DOCK3: variants seen among roughly 807,000 people sequenced by gnomAD.
DOCK3 encodes the protein dedicator of cytokinesis 3, also known as dedicator of cytokinesis protein 3.
DOCK3 carries 60 observed loss-of-function variants against 265.6 expected under a neutral mutation model. The observed-to-expected ratio is 0.23, with a 90% CI of 0.18 to 0.28. DOCK3 has a LOEUF of 0.28. Ranked by LOEUF, DOCK3 falls within the 10% of genes least tolerant of loss-of-function variation. The pLI is 1.00. For missense variants in DOCK3, 1,981 were observed against 2,594.3 expected, an observed-to-expected ratio of 0.76 and a Z score of 5.14; for synonymous variants, 881 against 938.0, an observed-to-expected ratio of 0.94 and a Z score of 1.11.
chr3:50,718,283 C>A (rs2037251628), intron 1 of DOCK3, among the ~76,000 whole-genome samples: 1 of 152,204 alleles, frequency 6.6e-6, no homozygotes. Context: ...AATAAGAGAT[C>A]ATGAGCAAGA....
intron 27 of DOCK3, among the ~76,000 whole-genome samples, chr3:51,307,281 A>C (rs1257280457): frequency 6.6e-6 from 1 of 152,000 alleles, no homozygotes; most frequent in African/African-American, 2.4e-5. Context: ...ACATGCAGCT[A>C]ATTTTTTAAT....
At chr3:51,362,808 C>A in intron 49 of DOCK3, 134 bp downstream of exon 49, 1 of 1,329,342 alleles carries the variant, frequency 7.5e-7, no homozygotes, top group Non-Finnish European at 1.0e-6. Flanking sequence ...GCTTTTACCA[C>A]TAAGGACTCG....
At chr3:50,740,857 T>C (rs1260357542) in intron 1 of DOCK3, among the ~76,000 whole-genome samples, 2 of 152,228 alleles carry the variant, frequency 1.3e-5, no homozygotes, top group South Asian at 4.1e-4. Flanking sequence ...AGTGACCATT[T>C]TAACAATTTT....
At chr3:51,302,701 ACT>A (rs2082423801) in intron 27 of DOCK3, among the ~76,000 whole-genome samples, 1 of 151,530 alleles carries the variant, frequency 6.6e-6, no homozygotes, top group African/African-American at 2.4e-5. Flanking sequence ...CAGATATGAA[ACT>A]CTGGGCTGGA....
At chr3:51,254,493 T>C (rs559174616) in intron 22 of DOCK3, among the ~76,000 whole-genome samples, 2 of 152,326 alleles carry the variant, frequency 1.3e-5, no homozygotes, top group Non-Finnish European at 2.9e-5. Flanking sequence ...TGTTATTGTG[T>C]GGGAGTCTAA....
At chr3:51,085,201 T>C (rs1023675636) in intron 7 of DOCK3, among the ~76,000 whole-genome samples, 2 of 150,350 alleles carry the variant, frequency 1.3e-5, no homozygotes, top group South Asian at 4.2e-4. Flanking sequence ...AGCAAAAGAG[T>C]TCAACAGACC....
intron 11 of DOCK3, 42 bp from the exon 12 acceptor site, chr3:51,160,513 A>T (rs749131843): frequency 6.4e-7 from 1 of 1,569,732 alleles, no homozygotes; most frequent in Non-Finnish European, 8.6e-7. Context: ...GGAGAGGAGC[A>T]TGCTTTTCTC....
intron 5 of DOCK3, among the ~76,000 whole-genome samples, chr3:50,966,256 C>T (rs2077028488): frequency 6.6e-6 from 1 of 152,070 alleles, no homozygotes; most frequent in Non-Finnish European, 1.5e-5. Context: ...CACCCCTTGG[C>T]TATTGTGGAT....
At chr3:50,966,373 T>G (rs2077032130) in intron 5 of DOCK3, among the ~76,000 whole-genome samples, 1 of 152,172 alleles carries the variant, frequency 6.6e-6, no homozygotes, top group African/African-American at 2.4e-5. Context: ...TTAATTTTTT[T>G]GAGGAACCAC....
chr3:50,915,915 G>C (rs573950843), intron 4 of DOCK3, among the ~76,000 whole-genome samples: 2 of 151,760 alleles, frequency 1.3e-5, no homozygotes, highest in Non-Finnish European at 2.9e-5. Flanking sequence ...TATGGGGAGG[G>C]GTCTAACAGT....
At chr3:50,821,718 C>T (rs1559684495) in intron 2 of DOCK3, among the ~76,000 whole-genome samples, 1 of 152,214 alleles carries the variant, frequency 6.6e-6, no homozygotes, top group Non-Finnish European at 1.5e-5. Context: ...TATGGCTAGG[C>T]TAACCATTCC....
At position 50,879,158 on chromosome 3, in the gene DOCK3, T is replaced by A. The variant is rs567663725; in HGVS notation, c.163-10868T>A. Among the ~76,000 whole-genome samples the A allele has an allele frequency of 4.9e-4, 74 of 152,046 alleles. No homozygotes were observed. The South Asian group carries it at 8.1e-3, about 17-fold the overall frequency. ...AAACATGGAAAGGAACAAATGGTACTAGCCACTGCAAAAACATGCCAAATT... is the reference window on the plus strand; with the variant it reads ...AAACATGGAAAGGAACAAATGGTACAAGCCACTGCAAAAACATGCCAAATT... On this transcript the variant is annotated intron_variant, in intron 3 of 52. Transcript: ENST00000266037.
chr3:50,984,989 A>G (rs888812306), intron 5 of DOCK3, among the ~76,000 whole-genome samples: 2 of 152,174 alleles, frequency 1.3e-5, no homozygotes, highest in Non-Finnish European at 2.9e-5. Context: ...TTGGTATTCA[A>G]GGGGGTCCTA....
At chr3:51,149,997 A>G (rs1177946030) in intron 10 of DOCK3, among the ~76,000 whole-genome samples, 2 of 152,156 alleles carry the variant, frequency 1.3e-5, no homozygotes, top group Non-Finnish European at 2.9e-5. Context: ...GAGGCAATTA[A>G]TTATTGCCTC....
At position 50,931,556 on chromosome 3, in the gene DOCK3, T is replaced by A. The variant is rs918447838; in HGVS notation, c.219-2425T>A. Among the ~76,000 whole-genome samples the A allele has an allele frequency of 5.3e-5, 8 of 152,370 alleles. No individual in the cohort carries two copies. In the South Asian group the frequency reaches 1.5e-3, roughly 28 times the overall value. ...AGGATGTCTTCTCATTCAATTTGAATTTGTGTAGCAAGTCATTATGACTTT... is the reference window on the plus strand; with the variant it reads ...AGGATGTCTTCTCATTCAATTTGAAATTGTGTAGCAAGTCATTATGACTTT... On this transcript the variant is annotated intron_variant, in intron 4 of 52. Coordinates refer to ENST00000266037, the MANE Select transcript of DOCK3 (RefSeq NM_004947.5).
chr3:50,751,117 A>G (rs1440630402), intron 1 of DOCK3, among the ~76,000 whole-genome samples: 1 of 152,200 alleles, frequency 6.6e-6, no homozygotes, highest in Admixed American at 6.6e-5. Context: ...TATGTATAGG[A>G]TTGATGATAT....
chr3:51,028,486 T>G (rs72943130), intron 5 of DOCK3, among the ~76,000 whole-genome samples: 10,934 of 152,216 alleles, frequency 0.072, 984 homozygotes, highest in East Asian at 0.33. Flanking sequence ...TTGGGGAAAT[T>G]TTTCTGAATT....
At chr3:51,238,156 T>C (rs1402600316) in intron 21 of DOCK3, among the ~76,000 whole-genome samples, 1 of 55,996 alleles carries the variant, frequency 1.8e-5, no homozygotes, top group African/African-American at 7.6e-5. Context: ...TTTTTTTTTT[T>C]TTTTGAGATG....
chr3:51,219,187 G>A (rs1035434065), intron 14 of DOCK3, among the ~76,000 whole-genome samples: 5 of 152,150 alleles, frequency 3.3e-5, no homozygotes, highest in Admixed American at 6.5e-5. Flanking sequence ...TTCAAGTGAT[G>A]TTTCTTTCTT....
Sources: allele counts gnomAD v4.1 joint callset (sites outside exome capture counted in the v4.1 genomes callset), GRCh38; gene constraint gnomAD v4.1.1; transcripts MANE v1.5; gene names NCBI Gene and HGNC (gene_info 2026-07-23, HGNC 2026-07-21).